Variants in ARPP21 observed in about 807,000 individuals in gnomAD.
ARPP21 encodes cAMP regulated phosphoprotein 21, also known as cAMP-regulated phosphoprotein 21.
ARPP21 carries 69 observed loss-of-function variants against 113.2 expected under a neutral mutation model. The ratio of observed to expected loss-of-function variants is 0.61; its 90% CI spans 0.50 to 0.74. The LOEUF (loss-of-function observed/expected upper bound fraction) is 0.74. Among genes scored for constraint, ARPP21 ranks in the 30% least tolerant of loss-of-function variants. ARPP21 has a pLI of 0.00. For synonymous variants in ARPP21, 368 were observed against 375.5 expected, an observed-to-expected ratio of 0.98 and a Z score of 0.23; for missense variants, 1,070 against 1,037.4, an observed-to-expected ratio of 1.03 and a Z score of -0.43.
chr3:35,790,668 G>T (rs1041151865), intron 19 of ARPP21, among the ~76,000 whole-genome samples: 1 of 152,164 alleles, frequency 6.6e-6, no homozygotes, highest in African/African-American at 2.4e-5. Context: ...TAGGTATGCA[G>T]AACTCTGAGC....
intron 15 of ARPP21, among the ~76,000 whole-genome samples, chr3:35,735,818 A>C (rs1356513518): frequency 6.6e-6 from 1 of 152,222 alleles, no homozygotes; most frequent in Non-Finnish European, 1.5e-5. Context: ...AGGGAAGAAA[A>C]GACTCACAAG....
intron 1 of ARPP21, among the ~76,000 whole-genome samples, chr3:35,662,089 A>G (rs1005850537): frequency 2.0e-5 from 3 of 152,188 alleles, no homozygotes; most frequent in African/African-American, 7.2e-5. Context: ...AAAGGTCAAA[A>G]TAGGATGAGA....
At chr3:35,716,120 A>T (rs1461522993) in intron 12 of ARPP21, among the ~76,000 whole-genome samples, 3 of 152,068 alleles carry the variant, frequency 2.0e-5, no homozygotes, top group Non-Finnish European at 4.4e-5. Context: ...AACTTAATAT[A>T]TACCCTTCAA....
chr3:35,793,127 T>C (rs931605262), intron 20 of ARPP21, among the ~76,000 whole-genome samples: 4 of 152,232 alleles, frequency 2.6e-5, no homozygotes, highest in Non-Finnish European at 1.5e-5. Flanking sequence ...CAGGTGCTTC[T>C]GACCCTAAAG....
chr3:35,791,750 A>G (rs1336438857), intron 19 of ARPP21, among the ~76,000 whole-genome samples: 10 of 152,204 alleles, frequency 6.6e-5, no homozygotes, highest in Admixed American at 6.5e-4. Context: ...TATTTTACCA[A>G]AAAATTCTCT....
At chr3:35,762,691 C>T (rs2095827351) in intron 19 of ARPP21, among the ~76,000 whole-genome samples, 1 of 152,038 alleles carries the variant, frequency 6.6e-6, no homozygotes, top group East Asian at 1.9e-4. Context: ...TAAAATAACA[C>T]TAAGTATTAG....
chr3:35,728,152 TTAATAATAATAA>T (rs3086922), intron 14 of ARPP21, among the ~76,000 whole-genome samples: 55 of 129,596 alleles, frequency 4.2e-4, no homozygotes, highest in East Asian at 1.1e-3. Flanking sequence ...ATATATTACA[TTAATAATAATAA>T]TAATAATAAT....
intron 1 of ARPP21, among the ~76,000 whole-genome samples, chr3:35,647,446 G>T (rs1474871922): frequency 6.6e-6 from 1 of 152,060 alleles, no homozygotes; most frequent in Non-Finnish European, 1.5e-5. Flanking sequence ...TATACCAAAG[G>T]TAGGCTAGTA....
intron 19 of ARPP21, among the ~76,000 whole-genome samples, chr3:35,751,152 C>A (rs942214452): frequency 5.9e-5 from 9 of 152,102 alleles, no homozygotes; most frequent in African/African-American, 2.2e-4. Flanking sequence ...CATGAGGGAA[C>A]CTTAAGTTAA....
At chr3:35,684,038 A>G in intron 5 of ARPP21, 1 of 1,597,942 alleles carries the variant, frequency 6.3e-7, no homozygotes, top group South Asian at 1.1e-5. Context: ...GAAAACTGCA[A>G]ATGGAAAGGA....
chr3:35,689,350 C>T lies in ARPP21; in HGVS notation c.450C>T (p.His150=), dbSNP rs778921161. Residue 150 remains histidine (H), a synonymous_variant, in exon 7 of 21, where the codon CAC becomes CAT. Coordinates refer to ENST00000684406, the MANE Select transcript of ARPP21 (RefSeq NM_001385562.1). ...CGGATTCTACAGGCATAGACTTACA[C>T]GAGTTTCTGATTAACACATTAAAGA... ...EYTDSTGIDL[H]EFLINTLKNN... 5.1e-6 allele frequency: 8 copies of T among 1,584,004 alleles called. No homozygotes were observed. Among genetic ancestry groups the T allele is most frequent in the East Asian group, 4.5e-5 (2 of 44,614 alleles).
chr3:35,701,484 T>C (rs545658177), intron 9 of ARPP21, among the ~76,000 whole-genome samples: 37 of 151,872 alleles, frequency 2.4e-4, no homozygotes, highest in African/African-American at 8.4e-4. Flanking sequence ...CCATGCTCAA[T>C]ATAGATAATC....
At chr3:35,654,476 G>C (rs1325330872) in intron 1 of ARPP21, among the ~76,000 whole-genome samples, 1 of 152,062 alleles carries the variant, frequency 6.6e-6, no homozygotes, top group Non-Finnish European at 1.5e-5. Flanking sequence ...TACCGATATT[G>C]AGCATGAAAT....
rs1469717918 is a variant in ARPP21, at chr3:35,739,441, C to T, written c.1874C>T (p.Pro625Leu). ...SSLMPQPAQQ[P>L]SYVIASTGQQ... ...CTTATGCCACAGCCGGCCCAGCAGC[C>T]CAGCTATGTAATCGCCTCTACAGGC... The change falls in exon 18 of 21, where the codon CCC becomes CTC. Residue 625 changes from proline to leucine, a missense_variant. Transcript: ENST00000684406. 2 of 1,614,146 alleles carry T rather than the reference C, an allele frequency of 1.2e-6. No individual in the cohort carries two copies. Among genetic ancestry groups the T allele is most frequent in the African/African-American group, 2.7e-5 (2 of 75,026 alleles).
In ARPP21 at chr3:35,718,779, T is replaced by C. The variant is rs1576264993; in HGVS notation, c.995+1422T>C. 2.0e-5 allele frequency among the ~76,000 whole-genome samples: 3 copies of C among 152,266 alleles called. No individual in the cohort carries two copies. In the South Asian group the frequency reaches 6.2e-4, roughly 31 times the overall value. Reference sequence around the variant, plus strand: ...CAGCACAGAAGCAGAGCTTAAAATATATGCCTTTGTAACTACCTTGGAATG... The same window carrying C: ...CAGCACAGAAGCAGAGCTTAAAATACATGCCTTTGTAACTACCTTGGAATG... On this transcript the variant is annotated intron_variant, in intron 13 of 20. Coordinates refer to ENST00000684406, the MANE Select transcript of ARPP21 (RefSeq NM_001385562.1).
At chr3:35,643,779 G>A (rs1699090225) in intron 1 of ARPP21, 1 of 151,960 alleles carries the variant, frequency 6.6e-6, no homozygotes, top group Non-Finnish European at 1.5e-5. Context: ...AGAGAATGTG[G>A]GGCTTAAAGG....
intron 15 of ARPP21, 32 bp from the exon 16 acceptor site, chr3:35,737,146 C>T (rs377310823): frequency 7.2e-7 from 1 of 1,380,872 alleles, no homozygotes; most frequent in Non-Finnish European, 1.0e-6. Context: ...GATTGAGAAG[C>T]TTACCTGGAC....
chr3:35,746,984 G>T (rs998179671), intron 19 of ARPP21, among the ~76,000 whole-genome samples: 7 of 152,110 alleles, frequency 4.6e-5, no homozygotes, highest in Admixed American at 2.0e-4. Flanking sequence ...CTCTTCATCC[G>T]ATCAGCACAT....
chr3:35,741,450 C>G (rs1193355478), intron 18 of ARPP21, among the ~76,000 whole-genome samples: 4 of 152,082 alleles, frequency 2.6e-5, no homozygotes, highest in African/African-American at 7.2e-5. Flanking sequence ...TAACTTAGTT[C>G]AGATTCAGCC....
Sources: allele counts gnomAD v4.1 joint callset (sites outside exome capture counted in the v4.1 genomes callset), GRCh38; gene constraint gnomAD v4.1.1; transcripts MANE v1.5; gene names NCBI Gene and HGNC (gene_info 2026-07-23, HGNC 2026-07-21).